Variants in EVC2 observed in about 807,000 individuals in gnomAD.
EVC2 encodes limbin.
In EVC2, 148 loss-of-function variants were observed where a neutral mutation model predicts 149.3. The observed-to-expected ratio is 0.99, with a 90% CI of 0.87 to 1.14. The LOEUF (loss-of-function observed/expected upper bound fraction) is 1.14, where lower values mean the gene tolerates loss of function less well. Ranked by LOEUF, EVC2 falls within the 50% of genes most tolerant of loss-of-function variation. EVC2 has a pLI of 0.00. For missense variants in EVC2, 1,854 were observed against 1,627.3 expected, an observed-to-expected ratio of 1.14 and a Z score of -2.40; for synonymous variants, 776 against 649.9, an observed-to-expected ratio of 1.19 and a Z score of -2.95.
downstream of EVC2, among the ~76,000 whole-genome samples, chr4:5,538,215 A>C (rs1202503039): frequency 6.6e-6 from 1 of 152,184 alleles, no homozygotes; most frequent in Non-Finnish European, 1.5e-5. Context: ...GCTTTATGCC[A>C]GTAAATTCAA....
At position 5,595,404 on chromosome 4, in the gene EVC2, G is replaced by T. The variant is rs576443482; in HGVS notation, c.2830-10554C>A. ...ACTCTACAAGCCAGAAGAGAGTGGG[G>T]GCCAATATTCAACATTCTTAAAGAA... On this transcript the variant is annotated intron_variant, in intron 16 of 21. Transcript: ENST00000344408. 1.6e-3 allele frequency among the ~76,000 whole-genome samples: 246 copies of T among 152,244 alleles called. 2 individuals carry two copies. In the Middle Eastern group the frequency reaches 0.017, roughly 11 times the overall value.
chr4:5,686,101 C>T lies in EVC2; in HGVS notation c.707-622G>A, dbSNP rs1340718207. ...TATACACACACATATATATTACACA[C>T]ACACACACACACACACACACACACA... On this transcript the variant is annotated intron_variant, in intron 5 of 21. Coordinates refer to ENST00000344408, the MANE Select transcript of EVC2 (RefSeq NM_147127.5). The surrounding 1 kb of genome is among the most constrained non-coding windows in gnomAD (Gnocchi z 5.4). Among the ~76,000 whole-genome samples, 32 of 66,174 alleles carry T rather than the reference C, an allele frequency of 4.8e-4. No homozygotes were observed. Among genetic ancestry groups the T allele is most frequent in the African/African-American group, 1.4e-3 (15 of 11,048 alleles). The allele number at this position is 66,174 out of a possible 152,430, so 43.4% of individuals were successfully genotyped here. A position where few individuals can be genotyped will look rare whatever the true frequency, so the allele number is the denominator to read the frequency against.
At chr4:5,664,551 G>A (rs1050768554) in intron 8 of EVC2, among the ~76,000 whole-genome samples, 1 of 152,122 alleles carries the variant, frequency 6.6e-6, no homozygotes, top group Non-Finnish European at 1.5e-5. Flanking sequence ...TGATTAGATG[G>A]GACGTTTTTC....
chr4:5,661,308 C>G (rs992579787), intron 9 of EVC2, among the ~76,000 whole-genome samples: 1 of 152,192 alleles, frequency 6.6e-6, no homozygotes, highest in East Asian at 1.9e-4. Context: ...TGAAGCCCAG[C>G]TTTGAATGAT....
chr4:5,639,425 C>G (rs937993956), intron 10 of EVC2, among the ~76,000 whole-genome samples: 3 of 152,234 alleles, frequency 2.0e-5, no homozygotes, highest in Admixed American at 6.5e-5. Context: ...AAAACAAGAG[C>G]TGATTTCTGA....
chr4:5,624,927 C>T (rs1241215909), intron 13 of EVC2, among the ~76,000 whole-genome samples: 1 of 152,088 alleles, frequency 6.6e-6, no homozygotes, highest in Non-Finnish European at 1.5e-5. Flanking sequence ...CCATACATTC[C>T]CTGAATCTGT....
chr4:5,631,810 T>A lies in EVC2; in HGVS notation c.1693A>T (p.Asn565Tyr), dbSNP rs748867934. 112 of 1,613,922 alleles carry A rather than the reference T, an allele frequency of 6.9e-5. No homozygotes were observed. The highest frequency in any genetic ancestry group is 9.1e-5 in the Non-Finnish European group (107 of 1,179,898). ...TGTATTACCTGTATTTTAGAATAATTTTGCAGCAGCATTTTAGCTGCCTCT... is the reference window on the plus strand; with the variant it reads ...TGTATTACCTGTATTTTAGAATAATATTGCAGCAGCATTTTAGCTGCCTCT... Reference protein sequence around the residue: ...KPEAAKMLLQNYSKIQENVEE... With the variant: ...KPEAAKMLLQYYSKIQENVEE... The change falls in exon 11 of 22, where the codon AAT (asparagine) becomes TAT (tyrosine). Residue 565 changes from asparagine (N) to tyrosine (Y), a missense_variant. Physicochemically the swap from Asn to Tyr is moderately radical, Grantham distance 143. Coordinates refer to ENST00000344408, the MANE Select transcript of EVC2 (RefSeq NM_147127.5).
intron 17 of EVC2, 102 bp downstream of exon 17, chr4:5,584,521 G>C: frequency 1.7e-6 from 2 of 1,201,196 alleles, no homozygotes; most frequent in Non-Finnish European, 2.4e-6. Context: ...CCACAGCACA[G>C]ACAGGACGGG....
At chr4:5,579,286 C>T (rs977913257) in intron 17 of EVC2, among the ~76,000 whole-genome samples, 1 of 152,164 alleles carries the variant, frequency 6.6e-6, no homozygotes, top group Non-Finnish European at 1.5e-5. Flanking sequence ...ATGATTTAAC[C>T]TTCCTAAGCC....
At chr4:5,691,832 G>A (rs1721140270) in intron 3 of EVC2, among the ~76,000 whole-genome samples, 1 of 152,202 alleles carries the variant, frequency 6.6e-6, no homozygotes, top group Non-Finnish European at 1.5e-5. Context: ...GCCCTGCAAT[G>A]GCTCCTACGA....
chr4:5,638,398 A>C (rs1446210199), intron 10 of EVC2, among the ~76,000 whole-genome samples: 8 of 151,682 alleles, frequency 5.3e-5, no homozygotes, highest in Non-Finnish European at 1.2e-4. Context: ...CAAAAAACAA[A>C]AAAAAAAAAA....
intron 4 of EVC2, 111 bp downstream of exon 4, chr4:5,691,154 G>T: frequency 1.1e-6 from 1 of 935,058 alleles, no homozygotes; most frequent in Non-Finnish European, 1.8e-6. Context: ...GTCTAGACTT[G>T]TGTAGGTAAG....
intron 21 of EVC2, among the ~76,000 whole-genome samples, chr4:5,549,131 A>C (rs1721683597): frequency 6.6e-6 from 1 of 152,172 alleles, no homozygotes; most frequent in Non-Finnish European, 1.5e-5. Context: ...TTGAAACTGA[A>C]TAGCAACAAT....
At chr4:5,649,499 CTTCT>C (rs568903379) in intron 9 of EVC2, among the ~76,000 whole-genome samples, 10 of 152,160 alleles carry the variant, frequency 6.6e-5, no homozygotes, top group East Asian at 3.8e-4. Flanking sequence ...GACATTAATT[CTTCT>C]TTCTTTCTTC....
At chr4:5,565,068 TG>T (rs1305474340) in intron 21 of EVC2, among the ~76,000 whole-genome samples, 189 bp downstream of exon 21, 1 of 152,250 alleles carries the variant, frequency 6.6e-6, no homozygotes, top group African/African-American at 2.4e-5. Context: ...ATTCTCTCAC[TG>T]CTAGCCACAA....
intron 9 of EVC2, among the ~76,000 whole-genome samples, chr4:5,662,595 T>C (rs985480999): frequency 5.1e-4 from 74 of 144,280 alleles, no homozygotes; most frequent in African/African-American, 1.8e-3. Context: ...TCATATTTAT[T>C]TTAATTATAT....
intron 21 of EVC2, among the ~76,000 whole-genome samples, chr4:5,555,688 C>T (rs192629966): frequency 7.2e-5 from 11 of 152,254 alleles, no homozygotes; most frequent in Non-Finnish European, 1.3e-4. Flanking sequence ...AAATCCACTA[C>T]TATAGTTGGA....
intron 16 of EVC2, among the ~76,000 whole-genome samples, chr4:5,589,744 G>C (rs1712618390): frequency 6.6e-6 from 1 of 152,070 alleles, no homozygotes; most frequent in African/African-American, 2.4e-5. Context: ...TGTTTGTTTT[G>C]TTTTAGGTAA....
intron 16 of EVC2, among the ~76,000 whole-genome samples, chr4:5,603,690 C>G (rs915970359): frequency 6.6e-6 from 1 of 152,076 alleles, no homozygotes; most frequent in African/African-American, 2.4e-5. Context: ...CACGACACAT[C>G]ATGAAATCTG....
Sources: allele counts gnomAD v4.1 joint callset (sites outside exome capture counted in the v4.1 genomes callset), GRCh38; gene constraint gnomAD v4.1.1; non-coding constraint Gnocchi (gnomAD v3.1); transcripts MANE v1.5; gene names NCBI Gene and HGNC (gene_info 2026-07-23, HGNC 2026-07-21).